SLC8A1: variants seen among roughly 807,000 people sequenced by gnomAD.
SLC8A1 encodes sodium/calcium exchanger 1.
A neutral mutation model predicts 68.3 loss-of-function variants in SLC8A1; 18 were observed. That is an observed-to-expected ratio of 0.26 (90% CI 0.18 to 0.39). SLC8A1 has a LOEUF of 0.39. Among genes scored for constraint, SLC8A1 ranks in the 10% least tolerant of loss-of-function variants. The pLI, the probability that SLC8A1 is intolerant of heterozygous loss-of-function variation, is 1.00. For missense variants in SLC8A1, 985 were observed against 1,156.7 expected (o/e 0.85, Z 2.15); for synonymous variants, 475 against 415.5 (o/e 1.14, Z -1.74).
chr2:40,256,999 T>C (rs978089628), intron 2 of SLC8A1, among the ~76,000 whole-genome samples: 17 of 142,704 alleles, frequency 1.2e-4, no homozygotes, highest in African/African-American at 2.9e-4. Context: ...AATTATAAGA[T>C]TGAGCCTATC....
chr2:40,202,632 G>A (rs1439892473), intron 2 of SLC8A1, among the ~76,000 whole-genome samples: 2 of 151,980 alleles, frequency 1.3e-5, no homozygotes, highest in African/African-American at 2.4e-5. Flanking sequence ...AAAGGCATAT[G>A]CAGAAATCAC....
At chr2:40,445,431 G>A (rs2149845954) in intron 1 of SLC8A1, among the ~76,000 whole-genome samples, 1 of 152,260 alleles carries the variant, frequency 6.6e-6, no homozygotes, top group South Asian at 2.1e-4. Flanking sequence ...AATTTCTGGA[G>A]GCTTTCTACA....
chr2:40,505,846 C>G (rs920844228), intron 1 of SLC8A1, among the ~76,000 whole-genome samples: 1 of 151,874 alleles, frequency 6.6e-6, no homozygotes, highest in African/African-American at 2.4e-5. Context: ...ATCACTTGTC[C>G]CAGATGTTAA....
intron 2 of SLC8A1, among the ~76,000 whole-genome samples, chr2:40,350,175 A>G (rs1391289848): frequency 6.6e-6 from 1 of 152,172 alleles, no homozygotes; most frequent in East Asian, 1.9e-4. Flanking sequence ...GAATTCTCTT[A>G]AAACTATCAA....
chr2:40,338,126 T>C (rs1666571220), intron 2 of SLC8A1, among the ~76,000 whole-genome samples: 1 of 152,054 alleles, frequency 6.6e-6, no homozygotes, highest in Admixed American at 6.6e-5. Flanking sequence ...TCTCCCTCTC[T>C]CTCTCCCTTT....
At chr2:40,196,895 A>T (rs1396685540) in intron 2 of SLC8A1, among the ~76,000 whole-genome samples, 1 of 152,058 alleles carries the variant, frequency 6.6e-6, no homozygotes, top group Non-Finnish European at 1.5e-5. Context: ...TTTTCTATCA[A>T]GTCTACTCTC....
intron 2 of SLC8A1, among the ~76,000 whole-genome samples, chr2:40,313,171 A>C (rs966395595): frequency 3.3e-5 from 5 of 152,102 alleles, no homozygotes; most frequent in African/African-American, 1.2e-4. Flanking sequence ...TTTTACACAA[A>C]TAGAATAATC....
At chr2:40,151,131 T>A (rs1265924864) in intron 6 of SLC8A1, among the ~76,000 whole-genome samples, 2 of 152,220 alleles carry the variant, frequency 1.3e-5, no homozygotes, top group African/African-American at 4.8e-5. Context: ...GCATGTCCAA[T>A]TTGCAAATAC....
intron 1 of SLC8A1, among the ~76,000 whole-genome samples, chr2:40,448,004 A>T (rs1425010615): frequency 2.0e-5 from 3 of 152,252 alleles, no homozygotes; most frequent in Non-Finnish European, 4.4e-5. Flanking sequence ...ATCAAAGGAC[A>T]ATCACAAATG....
intron 6 of SLC8A1, among the ~76,000 whole-genome samples, chr2:40,151,372 T>C (rs1397293854): frequency 6.6e-6 from 1 of 152,210 alleles, no homozygotes; most frequent in African/African-American, 2.4e-5. Flanking sequence ...AAAACTTTAA[T>C]TCACAAATAA....
rs776824601 is a variant in SLC8A1, at chr2:40,245,812, A to G, written c.1809-67957T>C. Among the ~76,000 whole-genome samples, 10 of 152,330 alleles carry G rather than the reference A, an allele frequency of 6.6e-5. No homozygotes were observed. In the South Asian group the frequency reaches 2.1e-3, roughly 32 times the overall value. Reference sequence around the variant, plus strand: ...CATCATGTTCAGTTTCTAAGCTACAATTAAATCTCGTAGAATGGTAAGAGG... The same window carrying G: ...CATCATGTTCAGTTTCTAAGCTACAGTTAAATCTCGTAGAATGGTAAGAGG... On this transcript the variant is annotated intron_variant, in intron 2 of 7. Transcript: ENST00000406785.
At chr2:40,197,072 A>G (rs906386445) in intron 2 of SLC8A1, among the ~76,000 whole-genome samples, 3 of 152,054 alleles carry the variant, frequency 2.0e-5, no homozygotes, top group Non-Finnish European at 2.9e-5. Context: ...TATCCCACAC[A>G]TCAGTGGCTG....
intron 2 of SLC8A1, 136 bp downstream of exon 3, chr2:40,178,251 C>A: frequency 1.4e-6 from 1 of 718,036 alleles, no homozygotes. Context: ...TACTGTGGCT[C>A]AGCATGAGAT....
intron 2 of SLC8A1, among the ~76,000 whole-genome samples, chr2:40,345,029 C>G (rs924871730): frequency 2.6e-5 from 4 of 152,168 alleles, no homozygotes; most frequent in Admixed American, 2.6e-4. Flanking sequence ...TGACAAGAGG[C>G]TATAAGCCAT....
intron 2 of SLC8A1, among the ~76,000 whole-genome samples, chr2:40,199,213 G>GAATT (rs2053664860): frequency 6.6e-6 from 1 of 151,718 alleles, no homozygotes. Context: ...GTAGACAGAG[G>GAATT]AATTAAATAA....
At chr2:40,334,264 G>A (rs966583706) in intron 2 of SLC8A1, among the ~76,000 whole-genome samples, 1 of 152,104 alleles carries the variant, frequency 6.6e-6, no homozygotes, top group African/African-American at 2.4e-5. Flanking sequence ...GTTATCAATG[G>A]AGGAAAGAAA....
intron 7 of SLC8A1, among the ~76,000 whole-genome samples, chr2:40,134,370 G>C (rs985216770): frequency 2.0e-5 from 3 of 152,144 alleles, no homozygotes; most frequent in Non-Finnish European, 2.9e-5. Context: ...GGGATTACAG[G>C]TGTGAGCTAC....
In SLC8A1 at chr2:40,150,619, C is replaced by T. The variant is rs192001262; in HGVS notation, c.2161+10146G>A. Among the ~76,000 whole-genome samples the T allele has an allele frequency of 2.0e-3, 311 of 152,238 alleles. 1 individual carries two copies. The highest frequency in any genetic ancestry group is 3.1e-3 in the Admixed American group (47 of 15,286). ...GCTGCTGCCACCCCAGACAAAACTG[C>T]GTTAGAGACACGACTTCGGGCATAC... On this transcript the variant is annotated intron_variant, in intron 6 of 7. Transcript: ENST00000406785.
chr2:40,462,001 C>CTTTGTT (rs1703368005), intron 1 of SLC8A1, among the ~76,000 whole-genome samples: 1 of 66,176 alleles, frequency 1.5e-5, no homozygotes, highest in African/African-American at 6.1e-5. Flanking sequence ...TAAAATCCTC[C>CTTTGTT]TTTTTTTTTT....
Sources: gnomAD v4.1 joint callset for allele counts (sites outside exome capture counted in the v4.1 genomes callset) on GRCh38, gnomAD v4.1.1 for gene constraint, MANE v1.5 for transcripts, NCBI Gene and HGNC (gene_info 2026-07-23, HGNC 2026-07-21) for gene names.